The following CTNNA3 variants were observed in gnomAD, a reference collection of about 807,000 sequenced individuals.
CTNNA3 encodes catenin alpha 3, also known as catenin alpha-3.
In CTNNA3, 76 loss-of-function variants were observed where a neutral mutation model predicts 95.7. The ratio of observed to expected loss-of-function variants is 0.79; its 90% CI spans 0.66 to 0.96. The LOEUF (loss-of-function observed/expected upper bound fraction) is 0.96, where lower values mean the gene tolerates loss of function less well. Among genes scored for constraint, CTNNA3 ranks in the 40% least tolerant of loss-of-function variants. The pLI is 0.00. For synonymous variants in CTNNA3, 431 were observed against 374.4 expected (o/e 1.15, Z -1.74); for missense variants, 1,191 against 1,089.8 (o/e 1.09, Z -1.31).
chr10:66,309,663 G>A (rs373683385), intron 12 of CTNNA3, among the ~76,000 whole-genome samples: 1 of 130,146 alleles, frequency 7.7e-6, no homozygotes, highest in South Asian at 2.4e-4. Context: ...TCCAGCCTAG[G>A]CGGCAGAGCG....
intron 5 of CTNNA3, among the ~76,000 whole-genome samples, chr10:67,277,391 A>G (rs1221330983): frequency 1.3e-5 from 2 of 152,168 alleles, no homozygotes; most frequent in African/African-American, 4.8e-5. Flanking sequence ...AAGTTGGATA[A>G]TGATAACCTA....
chr10:66,460,335 T>C (rs1023557615), intron 11 of CTNNA3, among the ~76,000 whole-genome samples: 2 of 152,186 alleles, frequency 1.3e-5, no homozygotes, highest in East Asian at 1.9e-4. Flanking sequence ...CTTTACCTGA[T>C]AGCAAGACTT....
chr10:67,470,952 TG>T (rs1234351121), intron 5 of CTNNA3, among the ~76,000 whole-genome samples: 5 of 152,064 alleles, frequency 3.3e-5, no homozygotes, highest in Non-Finnish European at 5.9e-5. Flanking sequence ...AGCTAATTTT[TG>T]TCTTTTTTAT....
At chr10:66,378,606 C>T (rs982066865) in intron 12 of CTNNA3, among the ~76,000 whole-genome samples, 5 of 152,238 alleles carry the variant, frequency 3.3e-5, no homozygotes, top group Non-Finnish European at 5.9e-5. Flanking sequence ...GCTGGTTTTT[C>T]GAAAATACTA....
rs186508957 is a variant in CTNNA3 at position 66,623,141 on chromosome 10, C to A, written c.1282-1357G>T. Among the ~76,000 whole-genome samples, 448 of 152,176 alleles carry A rather than the reference C, an allele frequency of 2.9e-3. 8 individuals carry two copies. Among genetic ancestry groups the A allele is most frequent in the South Asian group, 0.016 (75 of 4,828 alleles). ...TCTGTGCCCCTTTCCACTCCCCAAA[C>A]CCCAATCACTAAAAGTGAAACTTGA... On this transcript the variant is annotated intron_variant, in intron 9 of 17. Transcript: ENST00000433211.
intron 14 of CTNNA3, among the ~76,000 whole-genome samples, chr10:66,080,306 T>G (rs2080705528): frequency 6.6e-6 from 1 of 151,996 alleles, no homozygotes; most frequent in Non-Finnish European, 1.5e-5. Flanking sequence ...GTAAAATTCT[T>G]CAAAATCACT....
chr10:66,008,800 G>A (rs541244074), intron 15 of CTNNA3, among the ~76,000 whole-genome samples: 1 of 152,200 alleles, frequency 6.6e-6, no homozygotes, highest in Admixed American at 6.5e-5. Flanking sequence ...GAGTATTAGA[G>A]GATGCAAATC....
intron 7 of CTNNA3, among the ~76,000 whole-genome samples, chr10:67,072,692 A>T (rs559094775): frequency 1.3e-5 from 2 of 152,222 alleles, no homozygotes; most frequent in Admixed American, 1.3e-4. Context: ...GTATATCTTT[A>T]TCTTCTGGGC....
At chr10:66,734,244 C>G (rs1849058112) in intron 9 of CTNNA3, among the ~76,000 whole-genome samples, 1 of 151,564 alleles carries the variant, frequency 6.6e-6, no homozygotes, top group Admixed American at 6.6e-5. Context: ...TCTCTCTTTT[C>G]TTCTCTCTCT....
rs543477305 is a variant in CTNNA3 at position 67,166,560 on chromosome 10, A to G, written c.1047+13757T>C. ...AGAATCCATTAATAATTTTCTCTACATCTTTCTACCTACTAACATCAGTTT... is the reference window on the plus strand; with the variant it reads ...AGAATCCATTAATAATTTTCTCTACGTCTTTCTACCTACTAACATCAGTTT... On this transcript the variant is annotated intron_variant, in intron 7 of 17. Coordinates refer to ENST00000433211, the MANE Select transcript of CTNNA3 (RefSeq NM_013266.4). 7.8e-4 allele frequency among the ~76,000 whole-genome samples: 119 copies of G among 152,284 alleles called. 1 individual carries two copies. The highest frequency in any genetic ancestry group is 2.8e-3 in the African/African-American group (117 of 41,562).
chr10:66,324,136 A>G (rs747742622), intron 12 of CTNNA3, among the ~76,000 whole-genome samples: 15 of 151,776 alleles, frequency 9.9e-5, no homozygotes, highest in Non-Finnish European at 2.1e-4. Flanking sequence ...CCTGGCCAAT[A>G]TGGTGAAGCC....
At chr10:67,375,555 G>T (rs192664921) in intron 5 of CTNNA3, among the ~76,000 whole-genome samples, 30 of 152,108 alleles carry the variant, frequency 2.0e-4, no homozygotes, top group African/African-American at 6.3e-4. Flanking sequence ...AGAAGTTGCA[G>T]TGAGCCAAGA....
In CTNNA3 at chr10:66,481,449, A is replaced by G. The variant is rs182755273; in HGVS notation, c.1531+39168T>C. Among the ~76,000 whole-genome samples the G allele has an allele frequency of 8.8e-4, 113 of 129,140 alleles. 1 individual carries two copies. Among genetic ancestry groups the G allele is most frequent in the African/African-American group, 3.0e-3 (109 of 36,618 alleles). The allele number at this position is 129,140 out of a possible 152,430, so 84.7% of individuals were successfully genotyped here. On this transcript the variant is annotated intron_variant, in intron 11 of 17. Coordinates refer to ENST00000433211, the MANE Select transcript of CTNNA3 (RefSeq NM_013266.4). ...TATACAGAAACAAAGCAAAAACCTT[A>G]TTCCCTTGTTTCTTTTTTTTTTTTT...
At chr10:66,542,156 C>T (rs975993021) in intron 10 of CTNNA3, among the ~76,000 whole-genome samples, 3 of 152,102 alleles carry the variant, frequency 2.0e-5, no homozygotes, top group African/African-American at 7.2e-5. Flanking sequence ...CATCACTGGC[C>T]ATGAGAGAAA....
At chr10:67,549,405 G>A (rs930199714) in intron 3 of CTNNA3, among the ~76,000 whole-genome samples, 1 of 152,084 alleles carries the variant, frequency 6.6e-6, no homozygotes, top group Non-Finnish European at 1.5e-5. Flanking sequence ...GAAATCCCTG[G>A]AGACCCCATA....
At chr10:67,554,259 C>A (rs1490132177) in intron 3 of CTNNA3, among the ~76,000 whole-genome samples, 1 of 152,172 alleles carries the variant, frequency 6.6e-6, no homozygotes, top group Non-Finnish European at 1.5e-5. Context: ...ATTTATAATA[C>A]TTTGGATATA....
intron 5 of CTNNA3, among the ~76,000 whole-genome samples, chr10:67,452,763 A>C (rs935892499): frequency 6.6e-6 from 1 of 152,210 alleles, no homozygotes; most frequent in African/African-American, 2.4e-5. Context: ...GAACACAGAT[A>C]ATAGTTTCCA....
intron 1 of CTNNA3, among the ~76,000 whole-genome samples, chr10:67,720,129 C>CTTTTGTTTTTTTTTTTTTTTTTTT (rs1841170850): frequency 3.0e-4 from 2 of 6,614 alleles, no homozygotes; most frequent in Non-Finnish European, 3.6e-4. Context: ...GCAACCCCTG[C>CTTTTGTTTTTTTTTTTTTTTTTTT]TTTTTTTTTT....
intron 11 of CTNNA3, among the ~76,000 whole-genome samples, chr10:66,439,922 A>G (rs1227029235): frequency 1.3e-5 from 2 of 152,290 alleles, no homozygotes; most frequent in Middle Eastern, 3.4e-3. Flanking sequence ...AAGAATTAAT[A>G]TTCTTCCCAT....
Sources: gnomAD v4.1 joint callset for allele counts (sites outside exome capture counted in the v4.1 genomes callset) on GRCh38, gnomAD v4.1.1 for gene constraint, MANE v1.5 for transcripts, NCBI Gene and HGNC (gene_info 2026-07-23, HGNC 2026-07-21) for gene names.